The following PIK3C2B variants were observed in gnomAD, a reference collection of about 807,000 sequenced individuals.
PIK3C2B encodes the protein phosphatidylinositol-4-phosphate 3-kinase catalytic subunit type 2 beta.
A neutral mutation model predicts 184.3 loss-of-function variants in PIK3C2B; 83 were observed. That is an observed-to-expected ratio of 0.45 (90% CI 0.38 to 0.54). The LOEUF (loss-of-function observed/expected upper bound fraction) is 0.54, where lower values mean the gene tolerates loss of function less well. Ranked by LOEUF, PIK3C2B falls within the 20% of genes least tolerant of loss-of-function variation. PIK3C2B has a pLI of 0.00. For synonymous variants in PIK3C2B, 779 were observed against 837.6 expected (o/e 0.93, Z 1.21); for missense variants, 1,736 against 2,113.5 (o/e 0.82, Z 3.50).
chr1:204,462,613 T>TGTGTACATAA (rs1655427316), intron 5 of PIK3C2B, among the ~76,000 whole-genome samples: 1 of 152,036 alleles, frequency 6.6e-6, no homozygotes, highest in Non-Finnish European at 1.5e-5. Context: ...AGGGGAAAAG[T>TGTGTACATAA]GTGTACATAA....
chr1:204,449,075 G>C, intron 14 of PIK3C2B, 110 bp downstream of exon 14: 1 of 759,594 alleles, frequency 1.3e-6, no homozygotes, highest in Non-Finnish European at 2.3e-6. Flanking sequence ...TCCCATGCTT[G>C]AAGTTCTAGC....
At chr1:204,427,822 C>T in intron 30 of PIK3C2B, 68 bp from the exon 31 acceptor site, 1 of 1,104,456 alleles carries the variant, frequency 9.1e-7, no homozygotes, top group Non-Finnish European at 1.4e-6. Flanking sequence ...CTTCCTGAAC[C>T]CCCTTGCCCC....
At chr1:204,430,968 T>TA (rs1553296197) in intron 28 of PIK3C2B, among the ~76,000 whole-genome samples, 1 of 152,208 alleles carries the variant, frequency 6.6e-6, no homozygotes, top group Non-Finnish European at 1.5e-5. Flanking sequence ...AAGTAGTTTT[T>TA]AAAAAAATTG....
At chr1:204,461,068 C>T (rs1420331978) in intron 5 of PIK3C2B, among the ~76,000 whole-genome samples, 1 of 152,132 alleles carries the variant, frequency 6.6e-6, no homozygotes, top group Non-Finnish European at 1.5e-5. Flanking sequence ...TGGAGTCCAC[C>T]TGTGCTCAGG....
chr1:204,455,610 CAG>C (rs1188938575), intron 11 of PIK3C2B, among the ~76,000 whole-genome samples: 1 of 152,144 alleles, frequency 6.6e-6, no homozygotes, highest in African/African-American at 2.4e-5. Flanking sequence ...CAGAGGCAGC[CAG>C]CACCAAGAGG....
chr1:204,464,616 GAA>G lies in PIK3C2B; in HGVS notation c.1035-14_1035-13del, dbSNP rs761375423. 6.2e-6 allele frequency: 10 copies of G among 1,604,904 alleles called. No homozygotes were observed. The highest frequency in any genetic ancestry group is 1.7e-6 in the Non-Finnish European group (2 of 1,177,080). Reference sequence around the variant, plus strand: ...AGCCAGATCGAAGGCTGTACAGGAAGAAAAAAAACCCTCACTGTGCCTTTAGA... The same window carrying G: ...AGCCAGATCGAAGGCTGTACAGGAAGAAAAAACCCTCACTGTGCCTTTAGA... On this transcript the variant is annotated splice_polypyrimidine_tract_variant and intron_variant, in intron 3 of 32. Transcript: ENST00000684373.
intron 1 of PIK3C2B, among the ~76,000 whole-genome samples, chr1:204,481,147 TCA>T (rs1192004122): frequency 6.9e-6 from 1 of 145,118 alleles, no homozygotes; most frequent in Non-Finnish European, 1.5e-5. Flanking sequence ...CCCATACCCC[TCA>T]CACCCTCCCC....
intron 20 of PIK3C2B, among the ~76,000 whole-genome samples, chr1:204,442,114 G>A (rs920439340): frequency 2.0e-5 from 3 of 152,138 alleles, no homozygotes; most frequent in African/African-American, 7.2e-5. Context: ...AAGCTGTCAG[G>A]CTTCTAAAAG....
Position 204,468,929 on chromosome 1 carries a change from G to A in PIK3C2B, c.874C>T (p.Arg292Cys), listed in dbSNP as rs555757174. Residue 292 changes from arginine to cysteine, a missense_variant, in exon 2 of 33, where the codon CGC (arginine) becomes TGC (cysteine). Physicochemically the swap from Arg to Cys is radical, Grantham distance 180. Transcript: ENST00000684373. ...PQVPPRTYAS[R>C]YGNRKNATPG... ...GTCGCATTCTTTCGGTTGCCATAGC[G>A]GGAGGCATAGGTGCGGGGGGGCACC... The A allele has an allele frequency of 2.7e-5, 43 of 1,611,026 alleles. No homozygotes were observed. Among genetic ancestry groups the A allele is most frequent in the African/African-American group, 9.3e-5 (7 of 74,932 alleles).
At chr1:204,425,549 T>C in intron 32 of PIK3C2B, 64 bp downstream of exon 32, 3 of 1,560,624 alleles carry the variant, frequency 1.9e-6, no homozygotes, top group Non-Finnish European at 2.7e-6. Flanking sequence ...TCAATACGAC[T>C]TTATCTAGGA....
chr1:204,488,555 C>T (rs971079144), intron 1 of PIK3C2B, among the ~76,000 whole-genome samples: 2 of 152,222 alleles, frequency 1.3e-5, no homozygotes, highest in African/African-American at 4.8e-5. Flanking sequence ...TTTACCTGTC[C>T]TCTTCACTGC....
rs990605790 is a variant in PIK3C2B, at chr1:204,424,322, C to T, written c.*530G>A. On this transcript the variant is annotated 3_prime_UTR_variant, in exon 33 of 33. Transcript: ENST00000684373. ...TAGTTCCTATAGCTAGAAAACGAAA[C>T]AACAACAACAATAACAAAAAAAAAA... The T allele has an allele frequency of 4.9e-6, 1 of 202,976 alleles. No individual in the cohort carries two copies. 12.6% of individuals were successfully genotyped at this position (202,976 alleles called of 1,614,324 possible).
At position 204,492,135 on chromosome 1, in the gene PIK3C2B, G is replaced by A. The variant is rs553873082; in HGVS notation, c.-85+2221C>T. ...TCACAGATCTCCCTCCCTTATGTGG[G>A]AGGCTAAACCCAGTAAGAATAATCA... On this transcript the variant is annotated intron_variant, in intron 1 of 32. Transcript: ENST00000684373. 3.3e-5 allele frequency among the ~76,000 whole-genome samples: 5 copies of A among 152,218 alleles called. No individual in the cohort carries two copies. The East Asian group carries it at 9.6e-4, about 29-fold the overall frequency.
At chr1:204,457,704 T>C in intron 9 of PIK3C2B, 24 bp downstream of exon 9, 1 of 1,584,158 alleles carries the variant, frequency 6.3e-7, no homozygotes, top group Non-Finnish European at 8.6e-7. Flanking sequence ...TCCTTTCCCC[T>C]GCTAGCACCC....
chr1:204,449,823 A>C (rs780633490), intron 13 of PIK3C2B, 27 bp downstream of exon 13: 13 of 1,562,192 alleles, frequency 8.3e-6, no homozygotes, highest in Non-Finnish European at 1.1e-5. Context: ...TCCAAGGCCA[A>C]GAAGCTGTAC....
At chr1:204,459,035 G>C (rs1324618909) in intron 8 of PIK3C2B, among the ~76,000 whole-genome samples, 2 of 152,158 alleles carry the variant, frequency 1.3e-5, no homozygotes, top group Admixed American at 6.5e-5. Flanking sequence ...TGTTTTTTGA[G>C]ATAGGGTCTC....
chr1:204,489,038 T>C (rs10494851), intron 1 of PIK3C2B, among the ~76,000 whole-genome samples: 6,307 of 152,118 alleles, frequency 0.041, 417 homozygotes, highest in African/African-American at 0.14. Context: ...CTCATGAACA[T>C]TTTTTTTCTC....
At chr1:204,481,445 C>T (rs1572396732) in intron 1 of PIK3C2B, among the ~76,000 whole-genome samples, 1 of 151,782 alleles carries the variant, frequency 6.6e-6, no homozygotes, top group Non-Finnish European at 1.5e-5. Context: ...TTTTAGTAGA[C>T]ACGGGGTTTC....
rs193298214 is a variant in PIK3C2B at position 204,424,928 on chromosome 1, C to T, written c.4829G>A (p.Arg1610His). Reference sequence around the variant, plus strand: ...CTGAGCCAGGTCCAGCTCTCGCAGGCGGATGTTCACCTCACCGAGGAGGAC... The same window carrying T: ...CTGAGCCAGGTCCAGCTCTCGCAGGTGGATGTTCACCTCACCGAGGAGGAC... The part of the protein sequence containing the change: ...ENVLLGEVNI[R>H]LRELDLAQEK... The change falls in exon 33 of 33, where the codon CGC becomes CAC. Residue 1610 changes from arginine (R) to histidine (H), a missense_variant. Coordinates refer to ENST00000684373, the MANE Select transcript of PIK3C2B (RefSeq NM_001377334.1). The T allele has an allele frequency of 1.3e-4, 214 of 1,614,210 alleles. No homozygotes were observed. In the East Asian group the frequency reaches 3.9e-3, roughly 29 times the overall value.
Sources: gnomAD v4.1 joint callset for allele counts (sites outside exome capture counted in the v4.1 genomes callset) on GRCh38, gnomAD v4.1.1 for gene constraint, MANE v1.5 for transcripts, NCBI Gene and HGNC (gene_info 2026-07-23, HGNC 2026-07-21) for gene names.